Variants in KCNMA1 observed in about 807,000 individuals in gnomAD.
KCNMA1 encodes the protein potassium calcium-activated channel subfamily M alpha 1, also known as Calcium-activated potassium channel subunit alpha-1.
Under a neutral mutation model 140.0 loss-of-function variants are expected in KCNMA1, and 29 were observed. That is an observed-to-expected ratio of 0.21 (90% CI 0.15 to 0.28). The LOEUF is 0.28. KCNMA1 is among the 10% of genes least tolerant of loss of function. The pLI is 1.00. For synonymous variants in KCNMA1, 612 were observed against 611.9 expected (o/e 1.00, Z 0.00); for missense variants, 880 against 1,602.2 (o/e 0.55, Z 7.70).
intron 6 of KCNMA1, among the ~76,000 whole-genome samples, chr10:77,119,614 GAAT>G (rs1447847821): frequency 6.6e-6 from 1 of 152,016 alleles, no homozygotes; most frequent in African/African-American, 2.4e-5. Context: ...GCACATAGAA[GAAT>G]AATTAAAAGG....
intron 1 of KCNMA1, among the ~76,000 whole-genome samples, chr10:77,566,379 A>G (rs1407964878): frequency 6.6e-6 from 1 of 152,204 alleles, no homozygotes; most frequent in East Asian, 1.9e-4. Flanking sequence ...AATGCTGTGG[A>G]AAGCATCTGA....
intron 1 of KCNMA1, among the ~76,000 whole-genome samples, chr10:77,424,508 T>TCATA (rs1158848617): frequency 6.6e-6 from 1 of 151,428 alleles, no homozygotes; most frequent in Admixed American, 6.6e-5. Context: ...AGATCTGTGT[T>TCATA]CATTCATTCA....
At chr10:77,189,305 C>T (rs541290021) in intron 3 of KCNMA1, among the ~76,000 whole-genome samples, 1 of 152,186 alleles carries the variant, frequency 6.6e-6, no homozygotes, top group Admixed American at 6.5e-5. Flanking sequence ...TTGAGCCAGC[C>T]CCCAGATAAC....
intron 2 of KCNMA1, among the ~76,000 whole-genome samples, chr10:77,360,604 G>A (rs1223496823): frequency 3.3e-5 from 5 of 152,126 alleles, no homozygotes; most frequent in Admixed American, 1.3e-4. Flanking sequence ...TGGGACGACC[G>A]GCATCCTCTG....
chr10:77,064,526 G>T (rs927734929), intron 14 of KCNMA1, among the ~76,000 whole-genome samples: 2 of 152,178 alleles, frequency 1.3e-5, no homozygotes, highest in African/African-American at 2.4e-5. Flanking sequence ...GTCTGAGAAC[G>T]CTTTAATTCA....
intron 3 of KCNMA1, among the ~76,000 whole-genome samples, chr10:77,224,171 A>G (rs539622002): frequency 1.3e-5 from 2 of 152,304 alleles, no homozygotes; most frequent in East Asian, 3.9e-4. Context: ...AATTAGCCTT[A>G]CATGTGTCTG....
At chr10:77,548,874 G>A (rs2062046977) in intron 1 of KCNMA1, among the ~76,000 whole-genome samples, 1 of 152,188 alleles carries the variant, frequency 6.6e-6, no homozygotes, top group African/African-American at 2.4e-5. Flanking sequence ...GGGATATAGT[G>A]GCAATCAAGA....
At chr10:77,037,435 A>T (rs1162687721) in intron 15 of KCNMA1, among the ~76,000 whole-genome samples, 2 of 152,326 alleles carry the variant, frequency 1.3e-5, no homozygotes, top group Admixed American at 1.3e-4. Context: ...AAATATCAGC[A>T]ACTAGTTGAT....
chr10:77,131,368 G>A (rs972587186), intron 5 of KCNMA1, among the ~76,000 whole-genome samples: 2 of 151,990 alleles, frequency 1.3e-5, no homozygotes, highest in African/African-American at 4.8e-5. Context: ...AACTTTGGGA[G>A]GCTGAGCAAG....
intron 2 of KCNMA1, among the ~76,000 whole-genome samples, chr10:77,261,200 C>T (rs908039263): frequency 1.3e-5 from 2 of 152,128 alleles, no homozygotes; most frequent in Non-Finnish European, 2.9e-5. Context: ...ACAGGGTTCC[C>T]TCTTACTATA....
At chr10:77,438,790 G>T (rs897984132) in intron 1 of KCNMA1, among the ~76,000 whole-genome samples, 1 of 151,882 alleles carries the variant, frequency 6.6e-6, no homozygotes, top group African/African-American at 2.4e-5. Context: ...AAACAAGGCC[G>T]AGTGTAGTGG....
At chr10:76,978,346 G>T (rs1183241281) in intron 19 of KCNMA1, 1 of 152,238 alleles carries the variant, frequency 6.6e-6, no homozygotes, top group Non-Finnish European at 1.5e-5. Flanking sequence ...TGAGGAAATA[G>T]ATAATTCCAC....
At chr10:76,904,576 T>C (rs1295697463) in intron 25 of KCNMA1, 1 of 151,406 alleles carries the variant, frequency 6.6e-6, no homozygotes, top group Admixed American at 6.6e-5. Context: ...TTAAATCTTG[T>C]TTTCTAAAAA....
chr10:77,391,616 G>T (rs141915313), intron 2 of KCNMA1, among the ~76,000 whole-genome samples: 1 of 36,740 alleles, frequency 2.7e-5, no homozygotes, highest in Non-Finnish European at 4.6e-5. Flanking sequence ...TAGGTTTTTT[G>T]TTTGTTTGTT....
intron 1 of KCNMA1, among the ~76,000 whole-genome samples, chr10:77,576,248 C>T (rs2074040599): frequency 6.6e-6 from 1 of 152,196 alleles, no homozygotes; most frequent in South Asian, 2.1e-4. Context: ...GGCCAGGCAA[C>T]TCGCCCTTCC....
At chr10:77,181,703 C>T (rs1364571909) in intron 5 of KCNMA1, among the ~76,000 whole-genome samples, 1 of 152,090 alleles carries the variant, frequency 6.6e-6, no homozygotes, top group Non-Finnish European at 1.5e-5. Context: ...TTGTGTGTGA[C>T]TCTACTAGCC....
chr10:77,404,883 A>G (rs756432161), intron 1 of KCNMA1, among the ~76,000 whole-genome samples: 9 of 148,964 alleles, frequency 6.0e-5, no homozygotes, highest in East Asian at 2.0e-4. Flanking sequence ...CATTTGCAGG[A>G]AAGAATAGGA....
intron 5 of KCNMA1, among the ~76,000 whole-genome samples, chr10:77,144,921 C>T (rs1387949908): frequency 6.6e-6 from 1 of 152,204 alleles, no homozygotes; most frequent in Non-Finnish European, 1.5e-5. Flanking sequence ...ATGACATCTA[C>T]TTCACAGACG....
In KCNMA1 at chr10:77,255,647, C is replaced by G. The variant is rs530539454; in HGVS notation, c.541-4391G>C. On this transcript the variant is annotated intron_variant, in intron 2 of 27. Transcript: ENST00000286628. Reference sequence around the variant, plus strand: ...TATAAAAGTGGGCTGGGCATGGTGGCTCACACCTGTAATCCCAGCACTTTG... The same window carrying G: ...TATAAAAGTGGGCTGGGCATGGTGGGTCACACCTGTAATCCCAGCACTTTG... 3.3e-5 allele frequency among the ~76,000 whole-genome samples: 5 copies of G among 151,422 alleles called. No individual in the cohort carries two copies. In the South Asian group the frequency reaches 1.0e-3, roughly 32 times the overall value.
Sources: gnomAD v4.1 joint callset for allele counts (sites outside exome capture counted in the v4.1 genomes callset) on GRCh38, gnomAD v4.1.1 for gene constraint, MANE v1.5 for transcripts, NCBI Gene and HGNC (gene_info 2026-07-23, HGNC 2026-07-21) for gene names.